Variants in DNMT3A observed in about 807,000 individuals in gnomAD.
The protein encoded by DNMT3A is DNA (cytosine-5)-methyltransferase 3A.
A neutral mutation model predicts 117.6 loss-of-function variants in DNMT3A; 267 were observed. That is an observed-to-expected ratio of 2.27 (90% CI 2.05 to 2.51). DNMT3A has a LOEUF of 2.51. DNMT3A is among the 30% of genes most tolerant of loss of function. The pLI is 0.00. For synonymous variants in DNMT3A, 432 were observed against 474.8 expected (o/e 0.91, Z 1.17); for missense variants, 1,029 against 1,260.2 (o/e 0.82, Z 2.78).
intron 6 of DNMT3A, among the ~76,000 whole-genome samples, chr2:25,264,754 C>T (rs1038121155): frequency 1.3e-5 from 2 of 152,044 alleles, no homozygotes; most frequent in Non-Finnish European, 2.9e-5. Flanking sequence ...GAGCCACCAC[C>T]CCCGGCCAAA....
At position 25,229,830 on chromosome 2, in the gene DNMT3A, C is replaced by T. The variant is rs1672801103; in HGVS notation, c.*4449G>A. 6.6e-6 allele frequency: 1 copy of T among 152,236 alleles called. No individual in the cohort carries two copies. Among genetic ancestry groups the T allele is most frequent in the Non-Finnish European group, 1.5e-5 (1 of 68,042 alleles). 9.4% of individuals were successfully genotyped at this position (152,236 alleles called of 1,614,324 possible). A position where few individuals can be genotyped will look rare whatever the true frequency, so the allele number is the denominator to read the frequency against. ...CTATGAAATGAATGACTGCAGTTTTCCTATAAGAACATCTCCCAGATGGCT... is the reference window on the plus strand; with the variant it reads ...CTATGAAATGAATGACTGCAGTTTTTCTATAAGAACATCTCCCAGATGGCT... On this transcript the variant is annotated 3_prime_UTR_variant, in exon 23 of 23. Transcript: ENST00000321117.
In DNMT3A at chr2:25,327,037, A is replaced by T. The variant is rs895328495; in HGVS notation, c.-177-12876T>A. Among the ~76,000 whole-genome samples the T allele has an allele frequency of 2.0e-5, 3 of 152,204 alleles. No homozygotes were observed. Among genetic ancestry groups the T allele is most frequent in the African/African-American group, 7.2e-5 (3 of 41,450 alleles). On this transcript the variant is annotated intron_variant, in intron 1 of 22. Transcript: ENST00000321117. The surrounding 1 kb of genome is among the most constrained non-coding windows in gnomAD (Gnocchi z 4.1). ...AACATGGCATTACAGAGACGTTGCC[A>T]TCCAGGGAGCCATCGCCACACCCTC...
chr2:25,243,162 G>A (rs1315768067), intron 16 of DNMT3A, among the ~76,000 whole-genome samples: 1 of 152,040 alleles, frequency 6.6e-6, no homozygotes, highest in Non-Finnish European at 1.5e-5. Flanking sequence ...AAAATTAGCT[G>A]GGCGTGGTGG....
chr2:25,278,388 C>T (rs2031628695), intron 4 of DNMT3A, among the ~76,000 whole-genome samples: 1 of 152,232 alleles, frequency 6.6e-6, no homozygotes, highest in South Asian at 2.1e-4. Context: ...AGGGCAGTCA[C>T]TGGCCTGAAA....
chr2:25,288,181 T>A (rs1478583691), intron 3 of DNMT3A, among the ~76,000 whole-genome samples: 6 of 145,140 alleles, frequency 4.1e-5, no homozygotes, highest in Non-Finnish European at 9.1e-5. Context: ...ACGCCTGTAA[T>A]CCCAGCACTT....
rs944871612 is a variant in DNMT3A, at chr2:25,229,891, G to A, written c.*4388C>T. ...ATTCCTTCTACTGCTGGAGAAGGTG[G>A]GTGTTCCCATCTAGGCTTCCCCAGA... On this transcript the variant is annotated 3_prime_UTR_variant, in exon 23 of 23. Transcript: ENST00000321117. 3.9e-5 allele frequency: 6 copies of A among 152,230 alleles called. No individual in the cohort carries two copies. Among genetic ancestry groups the A allele is most frequent in the Non-Finnish European group, 8.8e-5 (6 of 68,042 alleles). 9.4% of individuals were successfully genotyped at this position (152,230 alleles called of 1,614,324 possible). A position where few individuals can be genotyped will look rare whatever the true frequency, so the allele number is the denominator to read the frequency against.
chr2:25,258,366 C>T lies in DNMT3A; in HGVS notation c.640-10114G>A, dbSNP rs186716271. Among the ~76,000 whole-genome samples the T allele has an allele frequency of 3.3e-5, 5 of 152,320 alleles. No homozygotes were observed. In the East Asian group the frequency reaches 9.6e-4, roughly 29 times the overall value. On this transcript the variant is annotated intron_variant, in intron 6 of 22. Coordinates refer to ENST00000321117, the MANE Select transcript of DNMT3A (RefSeq NM_022552.5). Reference sequence around the variant, plus strand: ...TGTCGGGCAGGGGCACCCCCCTAACCCCTGCACTGAGCAGTCTGGTTTTAG... The same window carrying T: ...TGTCGGGCAGGGGCACCCCCCTAACTCCTGCACTGAGCAGTCTGGTTTTAG...
chr2:25,314,036 C>G lies in DNMT3A; in HGVS notation c.-52G>C. The G allele has an allele frequency of 6.7e-7, 1 of 1,483,562 alleles. No homozygotes were observed. The highest frequency in any genetic ancestry group is 8.9e-7 in the Non-Finnish European group (1 of 1,118,502). The allele number at this position is 1,483,562 out of a possible 1,614,324, so 91.9% of individuals were successfully genotyped here. Reference sequence around the variant, plus strand: ...TGCGCGGGGCTGGGGGGCTGCTGGGCTTTGGGGAAGGAATTATCGTGGTCT... The same window carrying G: ...TGCGCGGGGCTGGGGGGCTGCTGGGGTTTGGGGAAGGAATTATCGTGGTCT... On this transcript the variant is annotated 5_prime_UTR_variant, in exon 2 of 23. Transcript: ENST00000321117.
rs545713293 is a variant in DNMT3A, at chr2:25,256,326, G to A, written c.640-8074C>T. On this transcript the variant is annotated intron_variant, in intron 6 of 22. Transcript: ENST00000321117. ...ATATCATGAAGCCCACGCTTTGCCC[G>A]CCCACTTGCTATTCCTCATGCTGTT... Among the ~76,000 whole-genome samples the A allele has an allele frequency of 2.1e-3, 322 of 152,126 alleles. 1 individual carries two copies. Among genetic ancestry groups the A allele is most frequent in the Non-Finnish European group, 4.1e-3 (277 of 68,006 alleles).
intron 6 of DNMT3A, among the ~76,000 whole-genome samples, chr2:25,263,787 A>G (rs1676801744): frequency 6.6e-6 from 1 of 152,122 alleles, no homozygotes; most frequent in Non-Finnish European, 1.5e-5. Flanking sequence ...ACCCCACTCC[A>G]TGCCCTTCCC....
At chr2:25,248,867 T>A (rs530347393) in intron 6 of DNMT3A, among the ~76,000 whole-genome samples, 67 of 152,276 alleles carry the variant, frequency 4.4e-4, no homozygotes, top group Non-Finnish European at 7.1e-4. Context: ...GTTTTTTTTT[T>A]AATTTTATTA....
At position 25,228,119 on chromosome 2, in the gene DNMT3A, C is replaced by A. The variant is rs1421541771; in HGVS notation, c.*6160G>T. ...CGGGTGGGGCAGGGACCCCTCGGGC[C>A]CCCACTCGCCCTTCCCTGAATGTCC... is the stretch of plus-strand genomic sequence containing the variant. On this transcript the variant is annotated 3_prime_UTR_variant, in exon 23 of 23. Coordinates refer to ENST00000321117, the MANE Select transcript of DNMT3A (RefSeq NM_022552.5). The A allele has an allele frequency of 6.8e-6, 1 of 146,878 alleles. No individual in the cohort carries two copies. The highest frequency in any genetic ancestry group is 1.5e-5 in the Non-Finnish European group (1 of 66,900). 9.1% of individuals were successfully genotyped at this position (146,878 alleles called of 1,614,324 possible).
At chr2:25,245,439 G>A (rs1349761028) in intron 12 of DNMT3A, 107 bp from the exon 13 acceptor site, 13 of 1,029,878 alleles carry the variant, frequency 1.3e-5, no homozygotes, top group South Asian at 2.9e-5. Flanking sequence ...GTGCCAGAGC[G>A]GCAGCCAGAA....
At chr2:25,292,758 G>GCGA (rs2032850780) in intron 3 of DNMT3A, among the ~76,000 whole-genome samples, 1 of 152,016 alleles carries the variant, frequency 6.6e-6, no homozygotes, top group Non-Finnish European at 1.5e-5. Flanking sequence ...TCTTTCTTGA[G>GCGA]GTAGGAGAAC....
At chr2:25,329,094 C>G (rs567093400) in intron 1 of DNMT3A, among the ~76,000 whole-genome samples, 1 of 152,202 alleles carries the variant, frequency 6.6e-6, no homozygotes, top group Admixed American at 6.5e-5. Flanking sequence ...GAAGGGAGCT[C>G]GCTGCTCTCA....
chr2:25,314,349 T>C (rs899915840), intron 1 of DNMT3A, 188 bp from the exon 2 acceptor site: 37 of 985,200 alleles, frequency 3.8e-5, no homozygotes, highest in Non-Finnish European at 4.1e-5. Context: ...CCCAGCAGCC[T>C]CTGAGAGCCT....
At chr2:25,313,429 C>T (rs771975183) in intron 2 of DNMT3A, among the ~76,000 whole-genome samples, 5 of 152,192 alleles carry the variant, frequency 3.3e-5, no homozygotes, top group Admixed American at 6.5e-5. Context: ...CCTGTGCCTC[C>T]GTCTGTGTGG....
Position 25,245,315 on chromosome 2 carries a change from C to CA in DNMT3A, c.1491dup (p.Gly498TrpfsTer48). On this transcript the variant is annotated frameshift_variant, in exon 13 of 23. Coordinates refer to ENST00000321117, the MANE Select transcript of DNMT3A (RefSeq NM_022552.5). LOFTEE classifies it high-confidence loss of function. Reference sequence around the variant, plus strand: ...TGTTCCAGGGTAACATTGAGGCTCCCACAGGAGATGCAGATGTCTGGAAAG... The same window carrying CA: ...TGTTCCAGGGTAACATTGAGGCTCCCAACAGGAGATGCAGATGTCTGGAAAG... 1 of 1,613,902 alleles carries CA rather than the reference C, an allele frequency of 6.2e-7. No individual in the cohort carries two copies. The highest frequency in any genetic ancestry group is 8.5e-7 in the Non-Finnish European group (1 of 1,179,984).
Position 25,236,840 on chromosome 2 carries a change from A to T in DNMT3A, c.2478+96T>A. ...AAATTGCATTCTCCACACTAGCTGGAGAAGCAGGCGGGACAAGGCCCTGGC... is the reference window on the plus strand; with the variant it reads ...AAATTGCATTCTCCACACTAGCTGGTGAAGCAGGCGGGACAAGGCCCTGGC... On this transcript the variant is annotated intron_variant, in intron 21 of 22. Transcript: ENST00000321117. The surrounding 1 kb of genome is among the most constrained non-coding windows in gnomAD (Gnocchi z 4.5). 7.6e-7 allele frequency: 1 copy of T among 1,308,270 alleles called. No individual in the cohort carries two copies. Among genetic ancestry groups the T allele is most frequent in the East Asian group, 2.5e-5 (1 of 40,452 alleles). The allele number at this position is 1,308,270 out of a possible 1,614,324, so 81.0% of individuals were successfully genotyped here.
Sources: allele counts gnomAD v4.1 joint callset (sites outside exome capture counted in the v4.1 genomes callset), GRCh38; gene constraint gnomAD v4.1.1; non-coding constraint Gnocchi (gnomAD v3.1); transcripts MANE v1.5; gene names NCBI Gene and HGNC (gene_info 2026-07-23, HGNC 2026-07-21).